RAB17: variants seen among roughly 807,000 people sequenced by gnomAD.
The protein encoded by RAB17 is RAB17, member RAS oncogene family, also known as ras-related protein Rab-17.
Under a neutral mutation model 19.3 loss-of-function variants are expected in RAB17, and 15 were observed. The ratio of observed to expected loss-of-function variants is 0.78; its 90% CI spans 0.52 to 1.20. The LOEUF (loss-of-function observed/expected upper bound fraction) is 1.20, where lower values mean the gene tolerates loss of function less well. Among genes scored for constraint, RAB17 ranks in the 50% most tolerant of loss-of-function variants. RAB17 has a pLI of 0.00. For missense variants in RAB17, 262 were observed against 269.3 expected (o/e 0.97, Z 0.19); for synonymous variants, 110 against 112.8 (o/e 0.97, Z 0.16).
intron 1 of RAB17, among the ~76,000 whole-genome samples, chr2:237,587,846 AG>A (rs1473007375): frequency 2.5e-5 from 3 of 119,700 alleles, no homozygotes; most frequent in Non-Finnish European, 3.7e-5. Flanking sequence ...AAAAAAAAAA[AG>A]AAAAGAAAAA....
Position 237,575,051 on chromosome 2 carries a change from G to A in RAB17, c.607C>T (p.Pro203Ser). The A allele has an allele frequency of 1.2e-6, 2 of 1,613,322 alleles. No individual in the cohort carries two copies. The highest frequency in any genetic ancestry group is 1.7e-6 in the Non-Finnish European group (2 of 1,179,650). ...GCGCAGCATTTGGCCTGCCTCGCGG[G>A]CCCCTTGTTCAGAGCCACAGCTGCA... ...GDAAVALNKG[P>S]ARQAKCCAH is the part of the protein sequence containing the mutation. Residue 203 changes from proline to serine, a missense_variant, in exon 6 of 6, where the codon CCC (proline) becomes TCC (serine). Physicochemically the swap from Pro to Ser is moderately conservative, Grantham distance 74 (BLOSUM62 -1). Transcript: ENST00000264601.
At position 237,575,114 on chromosome 2, in the gene RAB17, G is replaced by T; in HGVS notation, c.544C>A (p.Gln182Lys). The change falls in exon 6 of 6, where the codon CAG becomes AAG. Residue 182 changes from glutamine (Q) to lysine (K), a missense_variant. Coordinates refer to ENST00000264601, the MANE Select transcript of RAB17 (RefSeq NM_022449.4). ...VFNTVAQELL[Q>K]RSDEEGQALR... ...GCCTGGCCCTCCTCGTCGCTTCTCT[G>T]CAGTAGCTCTTGGGCTGTGAACAGC... 1 of 1,613,300 alleles carries T rather than the reference G, an allele frequency of 6.2e-7. No homozygotes were observed. Among genetic ancestry groups the T allele is most frequent in the East Asian group, 2.2e-5 (1 of 44,886 alleles).
At chr2:237,578,341 G>C in intron 2 of RAB17, 186 bp from the exon 3 acceptor site, 2 of 587,524 alleles carry the variant, frequency 3.4e-6, no homozygotes, top group Non-Finnish European at 6.0e-6. Flanking sequence ...CTTCCACATC[G>C]AGCAAAGTGT....
At chr2:237,585,884 G>A in intron 2 of RAB17, 114 bp downstream of exon 2, 1 of 1,166,330 alleles carries the variant, frequency 8.6e-7, no homozygotes, top group Non-Finnish European at 1.2e-6. Flanking sequence ...GGCAGCTCAA[G>A]GTCCCAGCAT....
At chr2:237,580,500 G>A (rs1483883106) in intron 2 of RAB17, among the ~76,000 whole-genome samples, 1 of 152,144 alleles carries the variant, frequency 6.6e-6, no homozygotes, top group Non-Finnish European at 1.5e-5. Context: ...CAGCACTTTG[G>A]GAGGCCGAGG....
Position 237,578,137 on chromosome 2 carries a change from ACC to A in RAB17, c.174_175del (p.Lys58AsnfsTer12). 2 of 1,611,664 alleles carry A rather than the reference ACC, an allele frequency of 1.2e-6. No individual in the cohort carries two copies. The highest frequency in any genetic ancestry group is 2.2e-5 in the South Asian group (2 of 91,010). On this transcript the variant is annotated frameshift_variant, in exon 3 of 6. Coordinates refer to ENST00000264601, the MANE Select transcript of RAB17 (RefSeq NM_022449.4). LOFTEE classifies it high-confidence loss of function. ...CAGAGAGGTGGCACCCACATCCACC[ACC>A]TTTGTGAAGAACGCACCTGAAACAG...
intron 1 of RAB17, among the ~76,000 whole-genome samples, chr2:237,587,158 G>A (rs2081357221): frequency 6.6e-6 from 1 of 152,226 alleles, no homozygotes; most frequent in Non-Finnish European, 1.5e-5. Flanking sequence ...TCCCACAGAA[G>A]GCAAATAATG....
intron 2 of RAB17, among the ~76,000 whole-genome samples, chr2:237,584,326 G>C (rs1412364489): frequency 6.6e-6 from 1 of 152,096 alleles, no homozygotes; most frequent in African/African-American, 2.4e-5. Flanking sequence ...AGCCCTGCTT[G>C]CGCTCACCTA....
At chr2:237,578,499 G>A (rs904108332) in intron 2 of RAB17, 4 of 193,988 alleles carry the variant, frequency 2.1e-5, no homozygotes, top group Non-Finnish European at 3.2e-5. Context: ...AGCTTCCAGC[G>A]ATGCAGCTGG....
At position 237,577,273 on chromosome 2, in the gene RAB17, C is replaced by A; in HGVS notation, c.419G>T (p.Arg140Leu). The A allele has an allele frequency of 6.2e-7, 1 of 1,613,422 alleles. No homozygotes were observed. The highest frequency in any genetic ancestry group is 8.5e-7 in the Non-Finnish European group (1 of 1,179,850). ...GGGCGGTACCTGGAAGGTCACCTCC[C>A]GCTCCTGGCTGAGGTCCGTCTTGTT... ...VGNKTDLSQE[R>L]EVTFQEGKEF... Residue 140 changes from arginine to leucine, a missense_variant, in exon 4 of 6, where the codon CGG becomes CTG. By Grantham distance (102) the Arg-to-Leu change is moderately radical. Transcript: ENST00000264601.
chr2:237,582,547 C>T (rs1224467549), intron 2 of RAB17, among the ~76,000 whole-genome samples: 1 of 152,234 alleles, frequency 6.6e-6, no homozygotes, highest in Non-Finnish European at 1.5e-5. Flanking sequence ...AAGCACTGGG[C>T]GTGCTGCCTC....
intron 2 of RAB17, 93 bp downstream of exon 2, chr2:237,585,905 A>G: frequency 7.5e-7 from 1 of 1,341,632 alleles, no homozygotes; most frequent in Non-Finnish European, 1.0e-6. Context: ...GGGGATTCCT[A>G]GGTGGGCCTC....
Position 237,586,066 on chromosome 2 carries a change from A to T in RAB17, c.89T>A (p.Val30Glu). The change falls in exon 2 of 6, where the codon GTG (valine) becomes GAG (glutamate). Residue 30 changes from valine (V) to glutamate (E), a missense_variant. Physicochemically the swap from Val to Glu is moderately radical, Grantham distance 121. Coordinates refer to ENST00000264601, the MANE Select transcript of RAB17 (RefSeq NM_022449.4). ...FKLVLLGSGS[V>E]GKSSLALRYV... Reference sequence around the variant, plus strand: ...CCGAAGAGCCAAGCTGGACTTACCCACGGAGCCACTTCCCAGGAGAACCAG... The same window carrying T: ...CCGAAGAGCCAAGCTGGACTTACCCTCGGAGCCACTTCCCAGGAGAACCAG... 1 of 1,613,612 alleles carries T rather than the reference A, an allele frequency of 6.2e-7. No homozygotes were observed. The highest frequency in any genetic ancestry group is 8.5e-7 in the Non-Finnish European group (1 of 1,179,790).
chr2:237,579,034 G>A (rs1375613718), intron 2 of RAB17: 1 of 152,014 alleles, frequency 6.6e-6, no homozygotes, highest in Admixed American at 6.6e-5. Flanking sequence ...ATTTTAAAAT[G>A]GTTATTTTAT....
chr2:237,581,916 T>C (rs928892066), intron 2 of RAB17, among the ~76,000 whole-genome samples: 1 of 152,260 alleles, frequency 6.6e-6, no homozygotes, highest in Non-Finnish European at 1.5e-5. Flanking sequence ...AAAGATGTCA[T>C]GCAGAAAGTC....
Position 237,574,535 on chromosome 2 carries a change from C to T in RAB17, c.*484G>A, listed in dbSNP as rs2081245143. The T allele has an allele frequency of 6.5e-7, 1 of 1,550,318 alleles. No homozygotes were observed. Among genetic ancestry groups the T allele is most frequent in the Non-Finnish European group, 8.7e-7 (1 of 1,146,902 alleles). ...TCACCAAGATGTGGAAATCCTGGGC[C>T]CACCCCACAGTCAGTCATCGCTCCA... On this transcript the variant is annotated 3_prime_UTR_variant, in exon 6 of 6. Coordinates refer to ENST00000264601, the MANE Select transcript of RAB17 (RefSeq NM_022449.4).
intron 4 of RAB17, 29 bp downstream of exon 4, chr2:237,577,228 A>C: frequency 6.3e-7 from 1 of 1,595,462 alleles, no homozygotes; most frequent in Non-Finnish European, 8.5e-7. Flanking sequence ...CTGCTGTGGA[A>C]GAGCAGAGCA....
At chr2:237,582,081 T>TGGACTCCCGTCCCTC (rs201981971) in intron 2 of RAB17, among the ~76,000 whole-genome samples, 3 of 152,264 alleles carry the variant, frequency 2.0e-5, no homozygotes, top group Non-Finnish European at 2.9e-5. Context: ...TGCGCTCACT[T>TGGACTCCCGTCCCTC]GGACTCCCGT....
intron 2 of RAB17, among the ~76,000 whole-genome samples, chr2:237,579,762 G>A (rs959220253): frequency 6.6e-6 from 1 of 152,226 alleles, no homozygotes; most frequent in Non-Finnish European, 1.5e-5. Context: ...GAGAACAGGA[G>A]GCTGGACAGA....
Sources: gnomAD v4.1 joint callset for allele counts (sites outside exome capture counted in the v4.1 genomes callset) on GRCh38, gnomAD v4.1.1 for gene constraint, MANE v1.5 for transcripts, NCBI Gene and HGNC (gene_info 2026-07-23, HGNC 2026-07-21) for gene names.